The following PURG variants were observed in gnomAD, a reference collection of about 807,000 sequenced individuals.
The protein encoded by PURG is purine rich element binding protein G.
PURG carries 3 observed loss-of-function variants against 24.3 expected under a neutral mutation model. The observed-to-expected ratio is 0.12, with a 90% CI of 0.06 to 0.32. The LOEUF (loss-of-function observed/expected upper bound fraction) is 0.32. Ranked by LOEUF, PURG falls within the 10% of genes least tolerant of loss-of-function variation. PURG has a pLI of 1.00. For missense variants in PURG, 371 were observed against 439.1 expected (o/e 0.84, Z 1.39); for synonymous variants, 180 against 173.1 (o/e 1.04, Z -0.31).
At chr8:31,027,310 G>A (rs981245367), downstream of PURG, among the ~76,000 whole-genome samples, 3 of 151,586 alleles carry the variant, frequency 2.0e-5, no homozygotes, top group East Asian at 5.8e-4. Flanking sequence ...TGGTGACTAA[G>A]CAAACCCCTT....
intron 1 of PURG, among the ~76,000 whole-genome samples, chr8:31,011,120 T>C (rs1810755796): frequency 6.6e-6 from 1 of 152,138 alleles, no homozygotes; most frequent in African/African-American, 2.4e-5. Flanking sequence ...TCCAAACATA[T>C]GAGGAGAAAA....
At position 31,032,819 on chromosome 8, in the gene PURG, G is replaced by T. The variant is rs1811270931; in HGVS notation, c.-6-31C>A. On this transcript the variant is annotated intron_variant, in intron 1 of 1. Coordinates refer to ENST00000523392, the MANE Select transcript of PURG (RefSeq NM_001323311.2). The surrounding 1 kb of genome is among the most constrained non-coding windows in gnomAD (Gnocchi z 5.9). ...AGTAACAAACAGACACACGGGATGG[G>T]GTGGGGGAGGGGTGTTGAGAACAAT... 7.4e-7 allele frequency: 1 copy of T among 1,357,662 alleles called. No homozygotes were observed. Among genetic ancestry groups the T allele is most frequent in the South Asian group, 2.1e-5 (1 of 48,054 alleles). 84.1% of individuals were successfully genotyped at this position (1,357,662 alleles called of 1,614,324 possible). A position where few individuals can be genotyped will look rare whatever the true frequency, so the allele number is the denominator to read the frequency against.
At chr8:30,995,914 C>T (rs1432511651) in exon 2 of PURG, 1 of 151,962 alleles carries the variant, frequency 6.6e-6, no homozygotes, top group African/African-American at 2.4e-5. Flanking sequence ...AAACTTCAAG[C>T]TTTGTTCAGC....
At chr8:31,024,333 A>G (rs926266180) in intron 1 of PURG, among the ~76,000 whole-genome samples, 9 of 152,162 alleles carry the variant, frequency 5.9e-5, no homozygotes, top group African/African-American at 2.2e-4. Context: ...ACAGAATTTT[A>G]AACATTTAGA....
At chr8:31,003,539 A>G (rs1429021059) in intron 1 of PURG, among the ~76,000 whole-genome samples, 1 of 152,194 alleles carries the variant, frequency 6.6e-6, no homozygotes, top group Non-Finnish European at 1.5e-5. Flanking sequence ...CAGTGGGCAG[A>G]TCACTTGACA....
At chr8:31,027,019 A>G (rs563629450), downstream of PURG, among the ~76,000 whole-genome samples, 56 of 151,748 alleles carry the variant, frequency 3.7e-4, no homozygotes, top group Non-Finnish European at 7.2e-4. Flanking sequence ...GGAAAAACAC[A>G]TTTTCCCTGA....
intron 1 of PURG, among the ~76,000 whole-genome samples, chr8:31,009,380 C>T (rs968935882): frequency 9.9e-5 from 15 of 152,026 alleles, no homozygotes; most frequent in Non-Finnish European, 2.2e-4. Context: ...GAGCTGAGAT[C>T]GTGCCACTGC....
chr8:31,010,413 A>G (rs561692618), intron 1 of PURG, among the ~76,000 whole-genome samples: 153 of 152,356 alleles, frequency 1.0e-3, no homozygotes, highest in African/African-American at 3.0e-3. Context: ...ATGAGCACCA[A>G]TGAGTTGCTA....
intron 1 of PURG, among the ~76,000 whole-genome samples, chr8:31,002,886 G>A (rs892645671): frequency 1.3e-5 from 2 of 152,086 alleles, no homozygotes; most frequent in African/African-American, 2.4e-5. Flanking sequence ...AAACATTATC[G>A]GCAGTTTAAT....
In PURG at chr8:31,004,303, A is replaced by G. The variant is rs141825671; in HGVS notation, c.865-7606T>C. On this transcript the variant is annotated intron_variant, in intron 1 of 1. Transcript: ENST00000339382. ...ACTGAGTTCATCAGGTCTATATTAC[A>G]TAATTTTAAGAGGGCTTAAAAGCTC... 8.7e-3 allele frequency among the ~76,000 whole-genome samples: 1,320 copies of G among 152,358 alleles called. 16 individuals are homozygous for G. The highest frequency in any genetic ancestry group is 0.03 in the African/African-American group (1,249 of 41,584).
downstream of PURG, among the ~76,000 whole-genome samples, chr8:31,029,098 G>T (rs1269787752): frequency 6.6e-6 from 1 of 151,796 alleles, no homozygotes; most frequent in East Asian, 1.9e-4. Context: ...AAGATACATG[G>T]CAATACATGT....
At chr8:31,013,466 G>A (rs373593971) in intron 1 of PURG, among the ~76,000 whole-genome samples, 1 of 152,184 alleles carries the variant, frequency 6.6e-6, no homozygotes, top group Non-Finnish European at 1.5e-5. Context: ...GGCCGGGCGC[G>A]GCGGCTCATG....
chr8:31,026,350 C>T (rs967361123), downstream of PURG, among the ~76,000 whole-genome samples: 1 of 151,410 alleles, frequency 6.6e-6, no homozygotes, highest in African/African-American at 2.4e-5. Context: ...TACAGGAAGG[C>T]AAGATGGCTA....
chr8:31,005,485 T>C (rs1421781571), intron 1 of PURG, among the ~76,000 whole-genome samples: 1 of 150,466 alleles, frequency 6.6e-6, no homozygotes, highest in Non-Finnish European at 1.5e-5. Context: ...ATACATGCAA[T>C]TAACAGGGGA....
rs889239487 is a variant in PURG, at chr8:31,032,631, G to A, written c.152C>T (p.Ala51Val). ...CTCCTGGATTTCGGCTGCGCCCCCG[G>A]CCTGATTAGGGGTGGCTGAGGCCGC... is the stretch of plus-strand genomic sequence containing the variant. Reference protein sequence around the residue: ...HYAASATPNQAGGAAEIQELA... With the variant: ...HYAASATPNQVGGAAEIQELA... The change falls in exon 2 of 2, where the codon GCC becomes GTC. Residue 51 changes from alanine (A) to valine (V), a missense_variant. Physicochemically the swap from Ala to Val is moderately conservative, Grantham distance 64. Around this residue, in one of 5 missense-constraint regions of PURG, gnomAD observed 213 missense variants for 230.6 expected, o/e 0.92. Transcript: ENST00000523392. This position sits in a 1 kb window ranked among gnomAD's most constrained non-coding sequence, Gnocchi z 5.9. The A allele has an allele frequency of 1.9e-6, 3 of 1,598,816 alleles. No individual in the cohort carries two copies. Among genetic ancestry groups the A allele is most frequent in the Admixed American group, 1.7e-5 (1 of 58,926 alleles).
intron 1 of PURG, among the ~76,000 whole-genome samples, chr8:31,009,480 C>A (rs1252127753): frequency 2.6e-5 from 4 of 152,112 alleles, no homozygotes; most frequent in Non-Finnish European, 5.9e-5. Flanking sequence ...ATTCAGTCTG[C>A]ATGTAAGAAT....
At chr8:31,016,700 A>G (rs951522376) in intron 1 of PURG, among the ~76,000 whole-genome samples, 1 of 151,946 alleles carries the variant, frequency 6.6e-6, no homozygotes, top group Admixed American at 6.6e-5. Context: ...AAAAATGCCA[A>G]TTTCTGAACC....
chr8:30,997,036 G>T (rs115960047), intron 1 of PURG, among the ~76,000 whole-genome samples: 19 of 151,788 alleles, frequency 1.3e-4, no homozygotes, highest in African/African-American at 4.6e-4. Context: ...TTCTAATTCT[G>T]GAATAGTGAT....
rs1811292676 is a variant in PURG, at chr8:31,033,189, TC to T, written c.-119del. ...GCCGCAGCCGCCGCCCCCCGCCTCC[TC>T]CCCCGCCGCCGCCGCTCGCACTGCC... On this transcript the variant is annotated 5_prime_UTR_variant, in exon 1 of 2. It removes the in-frame stop codon of an upstream open reading frame in the 5' UTR. Coordinates refer to ENST00000523392, the MANE Select transcript of PURG (RefSeq NM_001323311.2). The T allele has an allele frequency of 5.5e-6, 1 of 183,194 alleles. No homozygotes were observed. The highest frequency in any genetic ancestry group is 1.1e-5 in the Non-Finnish European group (1 of 92,064). 11.3% of individuals were successfully genotyped at this position (183,194 alleles called of 1,614,324 possible).
Sources: allele counts gnomAD v4.1 joint callset (sites outside exome capture counted in the v4.1 genomes callset), GRCh38; gene constraint gnomAD v4.1.1; regional missense constraint gnomAD v4.1.1; non-coding constraint Gnocchi (gnomAD v3.1); transcripts MANE v1.5; gene names NCBI Gene and HGNC (gene_info 2026-07-23, HGNC 2026-07-21).